GMDS: variants seen among roughly 807,000 people sequenced by gnomAD.
GMDS encodes GDP-mannose 4,6 dehydratase.
A neutral mutation model predicts 49.9 loss-of-function variants in GMDS; 20 were observed. The ratio of observed to expected loss-of-function variants is 0.40; its 90% CI spans 0.28 to 0.58. GMDS has a LOEUF of 0.58. Among genes scored for constraint, GMDS ranks in the 20% least tolerant of loss-of-function variants. GMDS has a pLI of 0.42. For synonymous variants in GMDS, 177 were observed against 178.6 expected (o/e 0.99, Z 0.07); for missense variants, 362 against 481.4 (o/e 0.75, Z 2.32).
At chr6:2,069,144 C>T (rs890455322) in intron 4 of GMDS, among the ~76,000 whole-genome samples, 1 of 152,020 alleles carries the variant, frequency 6.6e-6, no homozygotes, top group African/African-American at 2.4e-5. Context: ...TTTGACAAAC[C>T]TGAGAAAAAC....
chr6:2,237,842 G>A (rs1480819304), intron 1 of GMDS, among the ~76,000 whole-genome samples: 3 of 151,870 alleles, frequency 2.0e-5, no homozygotes, highest in Non-Finnish European at 4.4e-5. Context: ...TTTAACATTA[G>A]GAAATGCAAA....
At chr6:2,076,337 A>C (rs1404912994) in intron 4 of GMDS, among the ~76,000 whole-genome samples, 4 of 152,172 alleles carry the variant, frequency 2.6e-5, no homozygotes, top group Non-Finnish European at 4.4e-5. Context: ...ATACTGCCCA[A>C]GGTAATTTAT....
At chr6:2,232,504 T>C (rs911411859) in intron 1 of GMDS, among the ~76,000 whole-genome samples, 4 of 152,198 alleles carry the variant, frequency 2.6e-5, no homozygotes, top group Admixed American at 6.5e-5. Flanking sequence ...CACTTTCATG[T>C]TTCTTAGAGG....
chr6:1,900,881 T>C (rs1760466479), intron 7 of GMDS, among the ~76,000 whole-genome samples: 2 of 152,224 alleles, frequency 1.3e-5, no homozygotes, highest in South Asian at 4.1e-4. Context: ...AAAAGCACTC[T>C]CGATGATATC....
At chr6:2,095,756 C>A (rs1773565891) in intron 4 of GMDS, among the ~76,000 whole-genome samples, 1 of 152,146 alleles carries the variant, frequency 6.6e-6, no homozygotes, top group African/African-American at 2.4e-5. Context: ...GTCATTTGAA[C>A]ATAAACTCAA....
At chr6:1,891,530 A>G (rs890541691) in intron 7 of GMDS, among the ~76,000 whole-genome samples, 2 of 152,258 alleles carry the variant, frequency 1.3e-5, no homozygotes, top group African/African-American at 4.8e-5. Context: ...TATTTAAAAG[A>G]AACTGCCACT....
chr6:2,151,373 G>A (rs1342850545), intron 1 of GMDS, among the ~76,000 whole-genome samples: 1 of 151,864 alleles, frequency 6.6e-6, no homozygotes, highest in Non-Finnish European at 1.5e-5. Flanking sequence ...ATCCCCAAAA[G>A]CAAATATAAC....
chr6:2,097,757 C>T (rs1442320781), intron 4 of GMDS, among the ~76,000 whole-genome samples: 1 of 152,128 alleles, frequency 6.6e-6, no homozygotes, highest in East Asian at 1.9e-4. Flanking sequence ...CGCCCTAAAA[C>T]CTAGCTGTTT....
chr6:1,835,974 G>A (rs1004807092), intron 7 of GMDS, among the ~76,000 whole-genome samples: 5 of 151,898 alleles, frequency 3.3e-5, no homozygotes, highest in Admixed American at 2.0e-4. Flanking sequence ...TGTAAGCTCC[G>A]CCTCCCGGGT....
At chr6:2,183,339 G>A (rs1199841032) in intron 1 of GMDS, among the ~76,000 whole-genome samples, 2 of 152,166 alleles carry the variant, frequency 1.3e-5, no homozygotes, top group African/African-American at 4.8e-5. Flanking sequence ...ACATAAGTTT[G>A]GAAGAAGTTG....
chr6:2,188,151 C>T (rs1384325353), intron 1 of GMDS, among the ~76,000 whole-genome samples: 2 of 152,206 alleles, frequency 1.3e-5, no homozygotes, highest in African/African-American at 2.4e-5. Context: ...GGACTCAAAG[C>T]ATCAAGAAGC....
chr6:1,969,817 C>T (rs1448748360), intron 4 of GMDS, among the ~76,000 whole-genome samples: 1 of 152,186 alleles, frequency 6.6e-6, no homozygotes, highest in Non-Finnish European at 1.5e-5. Context: ...CCATTGGACT[C>T]TAAGTACAGA....
chr6:1,941,561 T>C (rs1329917995), intron 6 of GMDS, among the ~76,000 whole-genome samples: 1 of 152,018 alleles, frequency 6.6e-6, no homozygotes, highest in East Asian at 1.9e-4. Context: ...AGGAGAGGGC[T>C]CAAGAAAGAA....
intron 6 of GMDS, among the ~76,000 whole-genome samples, chr6:1,942,463 G>A (rs980272851): frequency 1.3e-5 from 2 of 152,150 alleles, no homozygotes; most frequent in African/African-American, 4.8e-5. Context: ...TAAGATCCTG[G>A]CCCAAGCTGG....
At chr6:2,220,551 A>G (rs190194011) in intron 1 of GMDS, among the ~76,000 whole-genome samples, 3 of 152,360 alleles carry the variant, frequency 2.0e-5, no homozygotes, top group Non-Finnish European at 4.4e-5. Flanking sequence ...GACTGTCCAC[A>G]TGGGTGGCTC....
intron 7 of GMDS, among the ~76,000 whole-genome samples, chr6:1,771,299 C>G (rs1238605618): frequency 1.3e-5 from 2 of 152,192 alleles, no homozygotes; most frequent in Non-Finnish European, 2.9e-5. Flanking sequence ...CTCTCTTCAA[C>G]CTAACTTAGG....
chr6:1,911,865 G>C (rs953418789), intron 7 of GMDS, among the ~76,000 whole-genome samples: 1 of 152,032 alleles, frequency 6.6e-6, no homozygotes, highest in African/African-American at 2.4e-5. Flanking sequence ...ACTAAGCAAG[G>C]TCTTTGAGGG....
chr6:2,223,200 G>A (rs1780673783), intron 1 of GMDS, among the ~76,000 whole-genome samples: 2 of 151,304 alleles, frequency 1.3e-5, no homozygotes, highest in Admixed American at 1.3e-4. Context: ...CATCCCACTG[G>A]TTCTGTTTCT....
intron 6 of GMDS, chr6:1,951,748 C>G (rs925447085): frequency 2.4e-5 from 8 of 330,758 alleles, no homozygotes; most frequent in African/African-American, 1.8e-4. Flanking sequence ...TTCTTGATAA[C>G]AGGCAAGAGA....
Sources: allele counts gnomAD v4.1 joint callset (sites outside exome capture counted in the v4.1 genomes callset), GRCh38; gene constraint gnomAD v4.1.1; transcripts MANE v1.5; gene names NCBI Gene and HGNC (gene_info 2026-07-23, HGNC 2026-07-21).